Variants in SPSB4 observed in about 807,000 individuals in gnomAD.
SPSB4 encodes splA/ryanodine receptor domain and SOCS box containing 4.
Under a neutral mutation model 20.9 loss-of-function variants are expected in SPSB4, and 21 were observed. The observed-to-expected ratio is 1.01, with a 90% CI of 0.71 to 1.45. The LOEUF is 1.45. Ranked by LOEUF, SPSB4 falls within the 40% of genes most tolerant of loss-of-function variation. The probability of loss-of-function intolerance (pLI) is 0.00; values close to 1 mark genes in which losing one functional copy is unlikely to be tolerated. For missense variants in SPSB4, 399 were observed against 399.2 expected, an observed-to-expected ratio of 1.00 and a Z score of 0.00; for synonymous variants, 207 against 183.8, an observed-to-expected ratio of 1.13 and a Z score of -1.02.
At chr3:141,063,475 A>G (rs554254019) in intron 1 of SPSB4, among the ~76,000 whole-genome samples, 6 of 152,208 alleles carry the variant, frequency 3.9e-5, no homozygotes, top group Admixed American at 6.5e-5. Context: ...TATTATGTTC[A>G]AGGTTTGTAT....
intron 2 of SPSB4, chr3:141,117,012 T>C (rs1938889659): frequency 6.6e-6 from 1 of 152,242 alleles, no homozygotes; most frequent in African/African-American, 2.4e-5. Context: ...TGCTGTGTCC[T>C]GAGCAGGACT....
chr3:141,116,414 C>T (rs1938880814), intron 2 of SPSB4, among the ~76,000 whole-genome samples: 1 of 152,256 alleles, frequency 6.6e-6, no homozygotes, highest in African/African-American at 2.4e-5. Context: ...TGGAGCAGGG[C>T]TGAGGGTCAG....
chr3:141,066,070 G>T lies in SPSB4; in HGVS notation c.-35G>T. 2.0e-6 allele frequency: 3 copies of T among 1,473,884 alleles called. No homozygotes were observed. The highest frequency in any genetic ancestry group is 1.8e-6 in the Non-Finnish European group (2 of 1,120,436). 91.3% of individuals were successfully genotyped at this position (1,473,884 alleles called of 1,614,324 possible). A position where few individuals can be genotyped will look rare whatever the true frequency, so the allele number is the denominator to read the frequency against. On this transcript the variant is annotated 5_prime_UTR_variant, in exon 2 of 3. Coordinates refer to ENST00000310546, the MANE Select transcript of SPSB4 (RefSeq NM_080862.3). Reference sequence around the variant, plus strand: ...GGAGTGGAGGCTCCCACGAGGTAGCGGTGGCCTGCAGCGGCCTCCTCCCCG... The same window carrying T: ...GGAGTGGAGGCTCCCACGAGGTAGCTGTGGCCTGCAGCGGCCTCCTCCCCG...
chr3:141,135,715 G>C (rs1446663956), intron 2 of SPSB4, among the ~76,000 whole-genome samples: 1 of 152,084 alleles, frequency 6.6e-6, no homozygotes, highest in East Asian at 1.9e-4. Flanking sequence ...GTGTATATGT[G>C]CCATATTTTC....
intron 2 of SPSB4, among the ~76,000 whole-genome samples, chr3:141,095,276 C>T (rs1185682072): frequency 2.0e-5 from 3 of 152,104 alleles, no homozygotes; most frequent in Admixed American, 6.5e-5. Context: ...AAGGGATTTC[C>T]GGGCTACTGC....
At chr3:141,082,325 C>A (rs1938248098) in intron 2 of SPSB4, among the ~76,000 whole-genome samples, 1 of 152,192 alleles carries the variant, frequency 6.6e-6, no homozygotes, top group African/African-American at 2.4e-5. Flanking sequence ...GGCGGCCCCT[C>A]CCCAGGCTGG....
chr3:141,119,360 A>G (rs1024664054), intron 2 of SPSB4, among the ~76,000 whole-genome samples: 14 of 152,208 alleles, frequency 9.2e-5, no homozygotes, highest in African/African-American at 3.1e-4. Flanking sequence ...GACTTTGCTG[A>G]AGTTTCTTAT....
At chr3:141,147,096 C>A (rs372072306) in intron 2 of SPSB4, 46 bp from the exon 3 acceptor site, 10 of 1,606,976 alleles carry the variant, frequency 6.2e-6, no homozygotes, top group Non-Finnish European at 8.5e-6. Context: ...TGAGAAGGTG[C>A]CAGGATGGCA....
chr3:141,081,293 C>A (rs1251164452), intron 2 of SPSB4, among the ~76,000 whole-genome samples: 3 of 152,192 alleles, frequency 2.0e-5, no homozygotes, highest in African/African-American at 7.2e-5. Context: ...ATTGGATGAG[C>A]CCATGTAAAC....
chr3:141,147,529 C>A lies in SPSB4; in HGVS notation c.*260C>A, dbSNP rs1030121228. ...CACAGAGAGCCTGGAGTCTGCACCT[C>A]CTGGAAATCCTGCCACCAACCAGGA... On this transcript the variant is annotated 3_prime_UTR_variant, in exon 3 of 3. Coordinates refer to ENST00000310546, the MANE Select transcript of SPSB4 (RefSeq NM_080862.3). The A allele has an allele frequency of 1.7e-5, 8 of 466,858 alleles. No homozygotes were observed. Among genetic ancestry groups the A allele is most frequent in the South Asian group, 9.8e-5 (3 of 30,718 alleles). 28.9% of individuals were successfully genotyped at this position (466,858 alleles called of 1,614,324 possible).
Position 141,148,547 on chromosome 3 carries a change from C to T in SPSB4, c.*1278C>T, listed in dbSNP as rs558405423. 1 of 152,692 alleles carries T rather than the reference C, an allele frequency of 6.5e-6. No individual in the cohort carries two copies. The highest frequency in any genetic ancestry group is 2.4e-5 in the African/African-American group (1 of 41,436). 9.5% of individuals were successfully genotyped at this position (152,692 alleles called of 1,614,324 possible). A position where few individuals can be genotyped will look rare whatever the true frequency, so the allele number is the denominator to read the frequency against. On this transcript the variant is annotated 3_prime_UTR_variant, in exon 3 of 3. Coordinates refer to ENST00000310546, the MANE Select transcript of SPSB4 (RefSeq NM_080862.3). This position sits in a 1 kb window ranked among gnomAD's most constrained non-coding sequence, Gnocchi z 4.5. Reference sequence around the variant, plus strand: ...CTTCCTCCCCACCCCACTGCCCCCACCTTAATGTGAATTTGACTGATGAAT... The same window carrying T: ...CTTCCTCCCCACCCCACTGCCCCCATCTTAATGTGAATTTGACTGATGAAT...
intron 2 of SPSB4, among the ~76,000 whole-genome samples, chr3:141,100,994 G>A (rs145817338): frequency 9.8e-5 from 15 of 152,316 alleles, no homozygotes; most frequent in Non-Finnish European, 1.2e-4. Flanking sequence ...GGGGATGCAT[G>A]ATGGCCAAGA....
At chr3:141,077,164 CCTT>C (rs1316089301) in intron 2 of SPSB4, 1 of 152,216 alleles carries the variant, frequency 6.6e-6, no homozygotes, top group East Asian at 1.9e-4. Context: ...GCTTAATGGC[CCTT>C]CTTCGTCAGA....
At chr3:141,135,235 G>A (rs1162617879) in intron 2 of SPSB4, among the ~76,000 whole-genome samples, 1 of 151,822 alleles carries the variant, frequency 6.6e-6, no homozygotes, top group East Asian at 1.9e-4. Context: ...GATCAGTTAT[G>A]TATAGTAGAA....
intron 2 of SPSB4, among the ~76,000 whole-genome samples, chr3:141,082,411 A>T (rs1361304090): frequency 1.3e-5 from 2 of 151,916 alleles, no homozygotes; most frequent in African/African-American, 4.8e-5. Context: ...TGTCTGCTAC[A>T]CTCTAGCCCT....
At chr3:141,076,336 T>C (rs996995706) in intron 2 of SPSB4, among the ~76,000 whole-genome samples, 2 of 152,254 alleles carry the variant, frequency 1.3e-5, no homozygotes, top group Admixed American at 1.3e-4. Context: ...ACTCCATGTA[T>C]GTGCCCTGGA....
intron 2 of SPSB4, among the ~76,000 whole-genome samples, chr3:141,126,955 G>A (rs1372534269): frequency 6.6e-6 from 1 of 152,336 alleles, no homozygotes; most frequent in Admixed American, 6.5e-5. Context: ...GGCTCTCAAA[G>A]GCTGGGCAAG....
intron 2 of SPSB4, among the ~76,000 whole-genome samples, chr3:141,071,698 C>T (rs997823137): frequency 2.0e-5 from 3 of 152,146 alleles, no homozygotes; most frequent in Non-Finnish European, 2.9e-5. Context: ...CCCCACAGAA[C>T]GGGCGCCAGT....
At chr3:141,108,348 G>T (rs761252353) in intron 2 of SPSB4, among the ~76,000 whole-genome samples, 1 of 152,192 alleles carries the variant, frequency 6.6e-6, no homozygotes, top group Admixed American at 6.5e-5. Context: ...GCTGCTGGGC[G>T]CATGTACTGA....
Sources: allele counts gnomAD v4.1 joint callset (sites outside exome capture counted in the v4.1 genomes callset), GRCh38; gene constraint gnomAD v4.1.1; non-coding constraint Gnocchi (gnomAD v3.1); transcripts MANE v1.5; gene names NCBI Gene and HGNC (gene_info 2026-07-23, HGNC 2026-07-21).